SMIM23: variants seen among roughly 807,000 people sequenced by gnomAD.
SMIM23 encodes small integral membrane protein 23.
In SMIM23, 10 loss-of-function variants were observed where a neutral mutation model predicts 12.8. That is an observed-to-expected ratio of 0.78 (90% CI 0.48 to 1.32). SMIM23 has a LOEUF of 1.32. Ranked by LOEUF, SMIM23 falls within the 40% of genes most tolerant of loss-of-function variation. The pLI is 0.00. For synonymous variants in SMIM23, 78 were observed against 80.1 expected, an observed-to-expected ratio of 0.97 and a Z score of 0.14; for missense variants, 184 against 198.2, an observed-to-expected ratio of 0.93 and a Z score of 0.43.
upstream of SMIM23, among the ~76,000 whole-genome samples, chr5:171,780,030 T>C (rs1021911244): frequency 6.6e-6 from 1 of 152,160 alleles, no homozygotes; most frequent in African/African-American, 2.4e-5. Flanking sequence ...GATGTCACTT[T>C]CCCAAGTGAA....
chr5:171,786,876 C>T (rs572829133), intron 1 of SMIM23, among the ~76,000 whole-genome samples: 1 of 152,076 alleles, frequency 6.6e-6, no homozygotes, highest in Non-Finnish European at 1.5e-5. Flanking sequence ...TACCCGCATC[C>T]CCTCCTGAAG....
chr5:171,773,729 C>T, the SMIM23 span: 1 of 454,304 alleles, frequency 2.2e-6, no homozygotes, highest in South Asian at 1.6e-5. Context: ...GGAAGCTAGG[C>T]TGCCCAGCTT....
the SMIM23 span, among the ~76,000 whole-genome samples, chr5:171,772,868 G>A: frequency 1.3e-5 from 2 of 152,312 alleles, no homozygotes; most frequent in Admixed American, 6.5e-5. Context: ...GGTTTTCTCA[G>A]AAGCCAAGTT....
At chr5:171,790,405 A>G in intron 2 of SMIM23, 77 bp from the exon 3 acceptor site, 1 of 1,510,850 alleles carries the variant, frequency 6.6e-7, no homozygotes, top group Non-Finnish European at 8.9e-7. Flanking sequence ...ACCCTTCATC[A>G]CACTGGGATA....
the SMIM23 span, among the ~76,000 whole-genome samples, chr5:171,773,229 T>C: frequency 6.6e-6 from 1 of 152,198 alleles, no homozygotes; most frequent in South Asian, 2.1e-4. Context: ...AATGCGGACA[T>C]TGACCTCAGT....
intron 1 of SMIM23, 46 bp downstream of exon 1, chr5:171,786,022 C>A (rs1480688399): frequency 1.8e-5 from 26 of 1,433,238 alleles, no homozygotes; most frequent in Non-Finnish European, 2.5e-5. Context: ...ATCTGGGCTC[C>A]TTTTGCCACT....
At chr5:171,777,858 C>T (rs1298306585), upstream of SMIM23, among the ~76,000 whole-genome samples, 2 of 152,166 alleles carry the variant, frequency 1.3e-5, no homozygotes, top group African/African-American at 4.8e-5. Context: ...ACTTCAAGAG[C>T]AGCAGAAGCC....
upstream of SMIM23, chr5:171,782,305 G>A (rs943084739): frequency 1.3e-5 from 2 of 152,226 alleles, no homozygotes; most frequent in African/African-American, 4.8e-5. Flanking sequence ...GGACAGTGAA[G>A]CCACAAAAGA....
Position 171,790,991 on chromosome 5 carries a change from A to T in SMIM23, c.422A>T (p.Tyr141Phe). 6.5e-7 allele frequency: 1 copy of T among 1,535,830 alleles called. No homozygotes were observed. The highest frequency in any genetic ancestry group is 8.7e-7 in the Non-Finnish European group (1 of 1,146,900). The change falls in exon 4 of 4, where the codon TAT (tyrosine) becomes TTT (phenylalanine). Residue 141 changes from tyrosine to phenylalanine, a missense_variant. Tyr to Phe is a conservative substitution (Grantham distance 22). Coordinates refer to ENST00000523047, the MANE Select transcript of SMIM23 (RefSeq NM_001289970.2). ...CACCAGGAGGAGCACTGCTCCACATATAAAAGTCACTTGTGGGAGTGGGCC... is the reference window on the plus strand; with the variant it reads ...CACCAGGAGGAGCACTGCTCCACATTTAAAAGTCACTTGTGGGAGTGGGCC... ...EPHQEEHCST[Y>F]KSHLWEWAWA... is the part of the protein sequence containing the mutation.
chr5:171,777,542 C>CGAG (rs1256687656), upstream of SMIM23, among the ~76,000 whole-genome samples: 1 of 152,220 alleles, frequency 6.6e-6, no homozygotes, highest in African/African-American at 2.4e-5. Context: ...GCCTGGCCTC[C>CGAG]CAGCCTCTGC....
chr5:171,780,072 T>C (rs1755702386), upstream of SMIM23, among the ~76,000 whole-genome samples: 1 of 152,152 alleles, frequency 6.6e-6, no homozygotes, highest in Non-Finnish European at 1.5e-5. Flanking sequence ...TGAACCCAGG[T>C]GTGTTTGGGA....
At chr5:171,788,992 A>G (rs775598273) in intron 1 of SMIM23, among the ~76,000 whole-genome samples, 4 of 152,214 alleles carry the variant, frequency 2.6e-5, no homozygotes, top group Non-Finnish European at 5.9e-5. Context: ...GGCACCGGCC[A>G]CCATGGCCAG....
chr5:171,775,964 C>T, the SMIM23 span, among the ~76,000 whole-genome samples: 9,452 of 152,218 alleles, frequency 0.062, 729 homozygotes, highest in African/African-American at 0.17. Flanking sequence ...CTCCACCTCC[C>T]GGGTTCAAGC....
intron 1 of SMIM23, among the ~76,000 whole-genome samples, chr5:171,787,413 G>C (rs1755839038): frequency 6.6e-6 from 1 of 152,162 alleles, no homozygotes; most frequent in Non-Finnish European, 1.5e-5. Flanking sequence ...ACGACACAAG[G>C]AAAAGGACTC....
the SMIM23 span, chr5:171,773,870 C>T: frequency 7.2e-5 from 33 of 456,136 alleles, no homozygotes; most frequent in African/African-American, 6.0e-4. Flanking sequence ...AAAAATTAAA[C>T]ATCTGTCTGC....
chr5:171,786,368 G>A (rs149002417), intron 1 of SMIM23, among the ~76,000 whole-genome samples: 315 of 152,254 alleles, frequency 2.1e-3, no homozygotes, highest in Non-Finnish European at 3.9e-3. Context: ...GTGGGATTTC[G>A]TCAAAATGGA....
the SMIM23 span, among the ~76,000 whole-genome samples, chr5:171,776,786 G>A: frequency 9.9e-5 from 15 of 152,104 alleles, no homozygotes; most frequent in Admixed American, 6.6e-5. Flanking sequence ...AACCCCACTG[G>A]GGTTTCTCCC....
upstream of SMIM23, among the ~76,000 whole-genome samples, chr5:171,781,954 AG>A (rs1755736085): frequency 6.6e-6 from 1 of 152,240 alleles, no homozygotes; most frequent in African/African-American, 2.4e-5. Flanking sequence ...TGGCCCAATC[AG>A]CACTCTGTAA....
chr5:171,786,948 T>A (rs183295601), intron 1 of SMIM23, among the ~76,000 whole-genome samples: 23 of 150,724 alleles, frequency 1.5e-4, no homozygotes, highest in Admixed American at 9.3e-4. Flanking sequence ...GAAGTCTGCA[T>A]AGCTTTGTTT....
Sources: gnomAD v4.1 joint callset for allele counts (sites outside exome capture counted in the v4.1 genomes callset) on GRCh38, gnomAD v4.1.1 for gene constraint, MANE v1.5 for transcripts, NCBI Gene and HGNC (gene_info 2026-07-23, HGNC 2026-07-21) for gene names.